Variants in NCOR2 observed in about 807,000 individuals in gnomAD.
The protein encoded by NCOR2 is nuclear receptor corepressor 2.
In NCOR2, 81 loss-of-function variants were observed where a neutral mutation model predicts 262.9. The observed-to-expected ratio is 0.31, with a 90% CI of 0.26 to 0.37. The LOEUF is 0.37. Among genes scored for constraint, NCOR2 ranks in the 10% least tolerant of loss-of-function variants. The pLI, the probability that NCOR2 is intolerant of heterozygous loss-of-function variation, is 1.00. For missense variants in NCOR2, 3,385 were observed against 3,621.4 expected (o/e 0.93, Z 1.68); for synonymous variants, 1,659 against 1,559.3 (o/e 1.06, Z -1.51).
chr12:124,436,178 G>A (rs1593529323), intron 8 of NCOR2, among the ~76,000 whole-genome samples: 1 of 152,220 alleles, frequency 6.6e-6, no homozygotes, highest in Admixed American at 6.5e-5. Flanking sequence ...CTAACACCCT[G>A]TCCCGGCCCA....
At chr12:124,377,909 A>G (rs2040140777) in intron 18 of NCOR2, among the ~76,000 whole-genome samples, 1 of 152,016 alleles carries the variant, frequency 6.6e-6, no homozygotes, top group Non-Finnish European at 1.5e-5. Flanking sequence ...GGATGGGGTG[A>G]AAGACAGCAG....
At chr12:124,387,354 CAG>C (rs2040890061) in intron 16 of NCOR2, among the ~76,000 whole-genome samples, 1 of 152,022 alleles carries the variant, frequency 6.6e-6, no homozygotes, top group Non-Finnish European at 1.5e-5. Flanking sequence ...AACTGACACA[CAG>C]AGTTTGCAAA....
intron 28 of NCOR2, 112 bp from the exon 31 acceptor site, chr12:124,348,426 GC>G: frequency 7.2e-7 from 1 of 1,394,856 alleles, no homozygotes; most frequent in Non-Finnish European, 9.6e-7. Flanking sequence ...TTCCATGCTG[GC>G]CCCGTCACAA....
chr12:124,533,040 ACTC>A (rs1338003493), intron 1 of NCOR2, among the ~76,000 whole-genome samples: 1 of 41,330 alleles, frequency 2.4e-5, no homozygotes, highest in Admixed American at 2.9e-4. Flanking sequence ...TCCAAATCCC[ACTC>A]CTCCTCCCCC....
chr12:124,369,087 C>A (rs2039272083), intron 20 of NCOR2, among the ~76,000 whole-genome samples: 1 of 152,224 alleles, frequency 6.6e-6, no homozygotes, highest in South Asian at 2.1e-4. Context: ...CTGAGTTATT[C>A]TTGCAATAAG....
intron 1 of NCOR2, among the ~76,000 whole-genome samples, chr12:124,508,635 G>A (rs2049189354): frequency 6.6e-6 from 1 of 152,180 alleles, no homozygotes; most frequent in South Asian, 2.1e-4. Flanking sequence ...TGATGTTCCA[G>A]ACCCTGCTGG....
chr12:124,391,765 C>T (rs1005819107), intron 16 of NCOR2, among the ~76,000 whole-genome samples: 10 of 152,234 alleles, frequency 6.6e-5, no homozygotes, highest in African/African-American at 1.7e-4. Context: ...GAAAAAGCTA[C>T]GTCTTCTCCC....
Position 124,457,009 on chromosome 12 carries a change from G to A in NCOR2, c.762+97C>T. The A allele has an allele frequency of 9.7e-7, 1 of 1,028,792 alleles. No homozygotes were observed. The highest frequency in any genetic ancestry group is 1.7e-5 in the African/African-American group (1 of 58,564). 63.7% of individuals were successfully genotyped at this position (1,028,792 alleles called of 1,614,324 possible). ...GCCGCCTGGGCAGCGCTTGGTAATA[G>A]ATGACTTCCTCCTCCGCCGCACCCT... On this transcript the variant is annotated intron_variant, in intron 6 of 46. Coordinates refer to ENST00000405201, the Ensembl canonical transcript of NCOR2. The surrounding 1 kb of genome is among the most constrained non-coding windows in gnomAD (Gnocchi z 4.0).
intron 4 of NCOR2, 21 bp from the exon 7 acceptor site, chr12:124,466,307 T>G (rs531683352): frequency 6.3e-7 from 1 of 1,595,984 alleles, no homozygotes; most frequent in Non-Finnish European, 8.5e-7. Flanking sequence ...AGGCAGAACG[T>G]GAGGGATGAG....
chr12:124,342,570 G>GT, intron 33 of NCOR2, among the ~76,000 whole-genome samples: 1 of 152,198 alleles, frequency 6.6e-6, no homozygotes, highest in East Asian at 1.9e-4. Context: ...GGGTTTCACC[G>GT]TGTTAGCCAG....
chr12:124,372,997 G>A (rs956958933), intron 19 of NCOR2, among the ~76,000 whole-genome samples: 6 of 152,212 alleles, frequency 3.9e-5, no homozygotes, highest in East Asian at 1.9e-4. Flanking sequence ...GCTCTGCCCC[G>A]CACTGGCTGC....
chr12:124,372,406 G>A, exon 20 of NCOR2: 1 of 1,507,832 alleles, frequency 6.6e-7, no homozygotes, highest in Non-Finnish European at 8.8e-7. Context: ...TGCTGGTGGG[G>A]GCGTAGGGGC....
chr12:124,335,010 G>T, intron 40 of NCOR2, 125 bp downstream of exon 42: 1 of 1,443,912 alleles, frequency 6.9e-7, no homozygotes, highest in Non-Finnish European at 9.6e-7. Flanking sequence ...TCCCCCCAGC[G>T]CCATGCCCTG....
At position 124,523,691 on chromosome 12, in the gene NCOR2, A is replaced by C. The variant is rs1259032699; in HGVS notation, c.-118+11874T>G. On this transcript the variant is annotated intron_variant, in intron 1 of 46. Coordinates refer to the NCOR2 transcript ENST00000404621. This position sits in a 1 kb window ranked among gnomAD's most constrained non-coding sequence, Gnocchi z 4.0. ...CAATCTGTTTTAAGAAAGTTTACAA[A>C]TTTGTGTTGGGCTGCATTTAAAACC... 6.6e-6 allele frequency among the ~76,000 whole-genome samples: 1 copy of C among 152,094 alleles called. No individual in the cohort carries two copies. Among genetic ancestry groups the C allele is most frequent in the African/African-American group, 2.4e-5 (1 of 41,406 alleles).
intron 1 of NCOR2, among the ~76,000 whole-genome samples, chr12:124,487,274 C>T (rs1399237311): frequency 4.6e-5 from 7 of 152,188 alleles, no homozygotes; most frequent in Admixed American, 4.6e-4. Context: ...GACAAACACC[C>T]GACAGCCAGC....
chr12:124,510,780 C>T (rs1418370993), intron 1 of NCOR2, among the ~76,000 whole-genome samples: 1 of 151,984 alleles, frequency 6.6e-6, no homozygotes, highest in East Asian at 1.9e-4. Flanking sequence ...CATGGGCCGC[C>T]GCGGACAGGC....
intron 1 of NCOR2, among the ~76,000 whole-genome samples, chr12:124,563,341 G>T (rs1345585527): frequency 6.6e-6 from 1 of 152,258 alleles, no homozygotes; most frequent in East Asian, 1.9e-4. Context: ...AGTGGGCAGG[G>T]CAGTGTGGAA....
intron 45 of NCOR2, 121 bp downstream of exon 47, chr12:124,327,287 CA>C: frequency 2.4e-6 from 2 of 830,040 alleles, no homozygotes; most frequent in Middle Eastern, 3.7e-4. Flanking sequence ...CAAACACGCA[CA>C]AAAATAAAGT....
rs1279635302 is a variant in NCOR2, at chr12:124,338,970, A to C, written c.5687+1036T>G. Reference sequence around the variant, plus strand: ...TCTCACCCACCCACCTACCTCCCTAACCCTACCACCCACCCATCCACCCAC... The same window carrying C: ...TCTCACCCACCCACCTACCTCCCTACCCCTACCACCCACCCATCCACCCAC... On this transcript the variant is annotated intron_variant, in intron 37 of 46. Coordinates refer to ENST00000405201, the Ensembl canonical transcript of NCOR2. Among the ~76,000 whole-genome samples, 4 of 136,360 alleles carry C rather than the reference A, an allele frequency of 2.9e-5. No homozygotes were observed. The East Asian group carries it at 7.1e-4, about 24-fold the overall frequency. 89.5% of individuals were successfully genotyped at this position (136,360 alleles called of 152,430 possible).
Sources: gnomAD v4.1 joint callset for allele counts (sites outside exome capture counted in the v4.1 genomes callset) on GRCh38, gnomAD v4.1.1 for gene constraint, Gnocchi (gnomAD v3.1) non-coding constraint, MANE v1.5 for transcripts, NCBI Gene and HGNC (gene_info 2026-07-23, HGNC 2026-07-21) for gene names.